Variants in SLC25A21 observed in about 807,000 individuals in gnomAD.
SLC25A21 encodes mitochondrial 2-oxodicarboxylate carrier.
In SLC25A21, 47 loss-of-function variants were observed where a neutral mutation model predicts 43.8. The observed-to-expected ratio is 1.07, with a 90% confidence interval of 0.85 to 1.37. The LOEUF is 1.37. Ranked by LOEUF, SLC25A21 falls within the 40% of genes most tolerant of loss-of-function variation. SLC25A21 has a pLI of 0.00. For synonymous variants in SLC25A21, 131 were observed against 121.3 expected (o/e 1.08, Z -0.52); for missense variants, 352 against 350.2 (o/e 1.00, Z -0.04).
At chr14:36,813,303 A>G (rs1296452070) in intron 3 of SLC25A21, among the ~76,000 whole-genome samples, 2 of 152,170 alleles carry the variant, frequency 1.3e-5, no homozygotes, top group Non-Finnish European at 2.9e-5. Flanking sequence ...ATTTTAGCCT[A>G]TGTAAACAAA....
intron 1 of SLC25A21, among the ~76,000 whole-genome samples, chr14:37,073,416 T>A (rs994765151): frequency 6.6e-6 from 1 of 152,170 alleles, no homozygotes. Context: ...GTGTCTTGCC[T>A]TGTTGTCCAG....
At chr14:36,883,246 C>T (rs930231645) in intron 1 of SLC25A21, among the ~76,000 whole-genome samples, 1 of 152,216 alleles carries the variant, frequency 6.6e-6, no homozygotes, top group East Asian at 1.9e-4. Flanking sequence ...ACTGGCTCTA[C>T]TCCAGCCACA....
intron 1 of SLC25A21, among the ~76,000 whole-genome samples, chr14:37,117,923 A>G (rs8014610): frequency 0.94 from 143,004 of 152,036 alleles, 67,389 homozygotes; most frequent in East Asian, 1. Context: ...TAGTTTAAAA[A>G]CTTTATTAAA....
chr14:36,835,999 T>G (rs1284088479), intron 2 of SLC25A21, among the ~76,000 whole-genome samples: 1 of 152,216 alleles, frequency 6.6e-6, no homozygotes, highest in Non-Finnish European at 1.5e-5. Context: ...TTTCGCTGAG[T>G]GAACAGTCAG....
In SLC25A21 at chr14:37,045,244, G is replaced by T. The variant is rs80126408; in HGVS notation, c.70+127037C>A. Among the ~76,000 whole-genome samples the T allele has an allele frequency of 8.8e-3, 1,334 of 152,330 alleles. 25 individuals carry two copies. The highest frequency in any genetic ancestry group is 0.03 in the African/African-American group (1,267 of 41,588). ...TATGTTGTAAATTTCTAGAGAATAT[G>T]AAAAGTTTGTGGTGTAATACAGTAC... On this transcript the variant is annotated intron_variant, in intron 1 of 9. Coordinates refer to ENST00000331299, the MANE Select transcript of SLC25A21 (RefSeq NM_030631.4).
chr14:36,833,212 C>T (rs1364338411), intron 2 of SLC25A21, among the ~76,000 whole-genome samples: 7 of 152,164 alleles, frequency 4.6e-5, no homozygotes, highest in Non-Finnish European at 7.4e-5. Flanking sequence ...AATAAATAAA[C>T]GCTTAGAGGA....
chr14:37,125,291 T>C (rs977209658), intron 1 of SLC25A21, among the ~76,000 whole-genome samples: 1 of 152,152 alleles, frequency 6.6e-6, no homozygotes, highest in East Asian at 1.9e-4. Context: ...GAGTCACATA[T>C]AGAATGGAGT....
chr14:36,837,061 A>G (rs1889233347), intron 2 of SLC25A21, among the ~76,000 whole-genome samples: 1 of 152,150 alleles, frequency 6.6e-6, no homozygotes, highest in South Asian at 2.1e-4. Flanking sequence ...AAATGGTGTC[A>G]TATGTCCCCA....
intron 7 of SLC25A21, among the ~76,000 whole-genome samples, chr14:36,709,085 G>A (rs190810156): frequency 1.6e-3 from 248 of 151,844 alleles, no homozygotes; most frequent in Non-Finnish European, 2.9e-3. Context: ...TCGGCTCACT[G>A]CAGCCTCCAC....
intron 2 of SLC25A21, among the ~76,000 whole-genome samples, chr14:36,866,430 G>A (rs912571893): frequency 5.9e-5 from 9 of 152,138 alleles, no homozygotes; most frequent in African/African-American, 2.2e-4. Flanking sequence ...GAAGCACAAT[G>A]GGCCATTTCC....
At chr14:37,003,068 G>A (rs1048664803) in intron 1 of SLC25A21, among the ~76,000 whole-genome samples, 4 of 152,026 alleles carry the variant, frequency 2.6e-5, no homozygotes, top group South Asian at 2.1e-4. Context: ...ACCCCCCAGC[G>A]GATGCCTGAA....
At chr14:37,007,480 G>A (rs1293470056) in intron 1 of SLC25A21, among the ~76,000 whole-genome samples, 1 of 151,976 alleles carries the variant, frequency 6.6e-6, no homozygotes, top group Non-Finnish European at 1.5e-5. Context: ...GCGATTGCCT[G>A]TAATCCTAGC....
At chr14:37,152,058 T>C (rs1451673676) in intron 1 of SLC25A21, among the ~76,000 whole-genome samples, 2 of 151,974 alleles carry the variant, frequency 1.3e-5, no homozygotes, top group African/African-American at 4.8e-5. Flanking sequence ...ATAATAGAGA[T>C]TATTTAAGCA....
At chr14:37,113,663 G>A (rs1304973009) in intron 1 of SLC25A21, among the ~76,000 whole-genome samples, 2 of 151,982 alleles carry the variant, frequency 1.3e-5, no homozygotes, top group Non-Finnish European at 2.9e-5. Context: ...AGACCAGCCT[G>A]GCCAAGATGG....
chr14:37,167,214 C>T (rs957403024), intron 1 of SLC25A21, among the ~76,000 whole-genome samples: 18 of 152,120 alleles, frequency 1.2e-4, no homozygotes, highest in African/African-American at 4.3e-4. Context: ...GCAGTGAAAA[C>T]CAAGAAAGAT....
chr14:36,894,353 T>C (rs1293677292), intron 1 of SLC25A21, among the ~76,000 whole-genome samples: 2 of 152,214 alleles, frequency 1.3e-5, no homozygotes, highest in African/African-American at 4.8e-5. Context: ...TGGTTATTGG[T>C]ATATAAGAAT....
chr14:36,816,327 A>AGGGAGTG (rs1888453600), intron 2 of SLC25A21, among the ~76,000 whole-genome samples: 1 of 152,134 alleles, frequency 6.6e-6, no homozygotes, highest in East Asian at 1.9e-4. Flanking sequence ...TGGATTAGAA[A>AGGGAGTG]GGGAGTATGG....
chr14:36,810,897 T>TA (rs1209978596), intron 3 of SLC25A21, among the ~76,000 whole-genome samples: 2 of 94,932 alleles, frequency 2.1e-5, no homozygotes, highest in Non-Finnish European at 5.0e-5. Flanking sequence ...GTGGGGGAAA[T>TA]AATTCAGCAT....
At chr14:36,729,397 T>C in intron 5 of SLC25A21, 110 bp downstream of exon 5, 1 of 835,296 alleles carries the variant, frequency 1.2e-6, no homozygotes. Context: ...ACTGAATAAC[T>C]CGAATTCATA....
Sources: allele counts gnomAD v4.1 joint callset (sites outside exome capture counted in the v4.1 genomes callset), GRCh38; gene constraint gnomAD v4.1.1; transcripts MANE v1.5; gene names NCBI Gene and HGNC (gene_info 2026-07-23, HGNC 2026-07-21).